ADGRB3: variants seen among roughly 807,000 people sequenced by gnomAD.
ADGRB3 encodes the protein brain-specific angiogenesis inhibitor 3.
ADGRB3 carries 37 observed loss-of-function variants against 193.4 expected under a neutral mutation model. The observed-to-expected ratio is 0.19, with a 90% CI of 0.15 to 0.25. The LOEUF (loss-of-function observed/expected upper bound fraction) is 0.25, where lower values mean the gene tolerates loss of function less well. Ranked by LOEUF, ADGRB3 falls within the 10% of genes least tolerant of loss-of-function variation. ADGRB3 has a pLI of 1.00. For missense variants in ADGRB3, 1,637 were observed against 1,852.9 expected (o/e 0.88, Z 2.14); for synonymous variants, 690 against 644.2 (o/e 1.07, Z -1.08).
At chr6:69,388,110 C>CATAA (rs10635961) in intron 31 of ADGRB3, among the ~76,000 whole-genome samples, 121,235 of 151,534 alleles carry the variant, frequency 0.8, 48,849 homozygotes, top group East Asian at 0.96. Flanking sequence ...AATTTTATCT[C>CATAA]ATAATTATTA....
intron 17 of ADGRB3, among the ~76,000 whole-genome samples, chr6:69,228,687 T>C (rs1766071989): frequency 6.6e-6 from 1 of 152,204 alleles, no homozygotes; most frequent in South Asian, 2.1e-4. Flanking sequence ...TTTATGTTGG[T>C]GTTACTCTTT....
chr6:69,285,738 G>T (rs1006808309), intron 20 of ADGRB3, among the ~76,000 whole-genome samples: 1 of 151,868 alleles, frequency 6.6e-6, no homozygotes, highest in African/African-American at 2.4e-5. Context: ...AGAACTACTT[G>T]CAACCCTCTA....
intron 26 of ADGRB3, among the ~76,000 whole-genome samples, chr6:69,351,089 T>C (rs1324213358): frequency 7.6e-6 from 1 of 131,980 alleles, no homozygotes; most frequent in Admixed American, 8.3e-5. Flanking sequence ...CCAGATTCCC[T>C]AGATACTTTT....
Position 69,239,377 on chromosome 6 carries a change from A to C in ADGRB3, c.2814+151A>C. ...TTTTGTTATTGGTTTATGAATAAAA[A>C]CATTGTCTATTCCAGTTCAGAATGT... On this transcript the variant is annotated intron_variant, in intron 20 of 31. Coordinates refer to ENST00000370598, the MANE Select transcript of ADGRB3 (RefSeq NM_001704.3). 1.5e-5 allele frequency: 9 copies of C among 581,960 alleles called. No individual in the cohort carries two copies. In the South Asian group the frequency reaches 2.0e-4, roughly 13 times the overall value. The allele number at this position is 581,960 out of a possible 1,614,324, so 36.0% of individuals were successfully genotyped here.
At chr6:68,653,756 A>G (rs775327378) in intron 3 of ADGRB3, among the ~76,000 whole-genome samples, 33 of 151,988 alleles carry the variant, frequency 2.2e-4, no homozygotes, top group Non-Finnish European at 4.1e-4. Context: ...AGAGAAAAAC[A>G]TTTATTCTAG....
intron 6 of ADGRB3, among the ~76,000 whole-genome samples, chr6:68,944,356 A>G (rs1322460458): frequency 1.3e-5 from 2 of 152,152 alleles, no homozygotes; most frequent in Non-Finnish European, 2.9e-5. Context: ...TCTGATTTAG[A>G]GCCAGTTCTT....
intron 26 of ADGRB3, among the ~76,000 whole-genome samples, chr6:69,347,481 A>G (rs1769124532): frequency 1.3e-5 from 2 of 152,188 alleles, no homozygotes; most frequent in Non-Finnish European, 2.9e-5. Context: ...TTGTAATAAA[A>G]TAGGATGTGG....
chr6:68,973,181 G>A (rs935374441), intron 8 of ADGRB3, among the ~76,000 whole-genome samples: 6 of 152,108 alleles, frequency 3.9e-5, no homozygotes, highest in African/African-American at 1.4e-4. Context: ...AAAAGAAAAG[G>A]AAGATGACTG....
intron 17 of ADGRB3, among the ~76,000 whole-genome samples, chr6:69,097,298 A>G (rs1406763132): frequency 6.6e-6 from 1 of 152,194 alleles, no homozygotes; most frequent in Non-Finnish European, 1.5e-5. Context: ...AATATTACTA[A>G]ATGAACAGCT....
At chr6:69,131,324 T>C (rs544294233) in intron 17 of ADGRB3, among the ~76,000 whole-genome samples, 2 of 152,094 alleles carry the variant, frequency 1.3e-5, no homozygotes, top group Non-Finnish European at 2.9e-5. Flanking sequence ...TAACTTAGGT[T>C]TGAATACAAG....
intron 3 of ADGRB3, among the ~76,000 whole-genome samples, chr6:68,776,519 C>A (rs868238125): frequency 1.3e-5 from 2 of 152,150 alleles, no homozygotes; most frequent in Middle Eastern, 3.4e-3. Flanking sequence ...ATATGTGCAC[C>A]CAGACTACTT....
intron 3 of ADGRB3, among the ~76,000 whole-genome samples, chr6:68,785,984 G>A (rs1344705011): frequency 2.0e-5 from 3 of 151,964 alleles, no homozygotes; most frequent in Non-Finnish European, 4.4e-5. Context: ...CATATCCTTT[G>A]CCCACTTTTT....
In ADGRB3 at chr6:68,714,626, G is replaced by T. The variant is rs184961601; in HGVS notation, c.757+75194G>T. Among the ~76,000 whole-genome samples the T allele has an allele frequency of 4.2e-4, 63 of 151,796 alleles. No individual in the cohort carries two copies. The East Asian group carries it at 0.01, about 25-fold the overall frequency. On this transcript the variant is annotated intron_variant, in intron 3 of 31. Coordinates refer to ENST00000370598, the MANE Select transcript of ADGRB3 (RefSeq NM_001704.3). ...AAGATAAAGGGAAAAATACTGAAGG[G>T]TTTGTAAAATGGTAAACTTGTGAGA...
rs560469400 is a variant in ADGRB3 at position 69,239,193 on chromosome 6, C to T, written c.2781C>T (p.Leu927=). The part of the protein sequence containing the change: ...FCLSIISSNI[L]ILVGQTQTHN... ...TGTCTATCATCTCATCCAATATCCT[C>T]ATACTGGTTGGACAGACTCAGACAC... is the stretch of plus-strand genomic sequence containing the variant. Residue 927 remains leucine (L), a synonymous_variant, in exon 20 of 32, where the codon CTC becomes CTT. Coordinates refer to ENST00000370598, the MANE Select transcript of ADGRB3 (RefSeq NM_001704.3). The T allele has an allele frequency of 3.1e-6, 5 of 1,595,722 alleles. No homozygotes were observed. The highest frequency in any genetic ancestry group is 2.2e-5 in the East Asian group (1 of 44,620).
intron 17 of ADGRB3, among the ~76,000 whole-genome samples, chr6:69,098,389 G>C (rs187477697): frequency 1.4e-4 from 21 of 152,242 alleles, no homozygotes; most frequent in Admixed American, 1.2e-3. Context: ...GATGTTATGG[G>C]CTCCCAACTA....
chr6:69,357,521 T>G (rs117489606), intron 28 of ADGRB3, among the ~76,000 whole-genome samples: 1,819 of 152,090 alleles, frequency 0.012, 20 homozygotes, highest in Non-Finnish European at 0.019. Context: ...TGAAACCTAG[T>G]AGAGAAACCT....
chr6:68,960,799 A>C (rs1932623), intron 8 of ADGRB3, among the ~76,000 whole-genome samples: 109,307 of 151,818 alleles, frequency 0.72, 39,624 homozygotes, highest in Middle Eastern at 0.82. Flanking sequence ...GCCAGACCCC[A>C]CCAGCCATTC....
intron 3 of ADGRB3, among the ~76,000 whole-genome samples, chr6:68,891,587 G>A (rs1348511127): frequency 1.3e-5 from 2 of 152,180 alleles, no homozygotes; most frequent in Non-Finnish European, 2.9e-5. Flanking sequence ...GAAGGAGTCA[G>A]ATGACTTCAA....
intron 10 of ADGRB3, among the ~76,000 whole-genome samples, chr6:68,978,844 AATT>A (rs1407528031): frequency 2.0e-5 from 3 of 151,524 alleles, no homozygotes; most frequent in South Asian, 4.2e-4. Flanking sequence ...ATTCAATAAT[AATT>A]AATTATAATC....
Sources: gnomAD v4.1 joint callset for allele counts (sites outside exome capture counted in the v4.1 genomes callset) on GRCh38, gnomAD v4.1.1 for gene constraint, MANE v1.5 for transcripts, NCBI Gene and HGNC (gene_info 2026-07-23, HGNC 2026-07-21) for gene names.